Variants in MYO16 observed in about 807,000 individuals in gnomAD.
MYO16 encodes the protein myosin XVI, also known as unconventional myosin-XVI.
MYO16 carries 94 observed loss-of-function variants against 205.3 expected under a neutral mutation model. The observed-to-expected ratio is 0.46, with a 90% confidence interval of 0.39 to 0.54. The LOEUF (loss-of-function observed/expected upper bound fraction) is 0.54. Ranked by LOEUF, MYO16 falls within the 20% of genes least tolerant of loss-of-function variation. The probability of loss-of-function intolerance (pLI) is 0.00; values close to 1 mark genes in which losing one functional copy is unlikely to be tolerated. For missense variants in MYO16, 2,315 were observed against 2,387.5 expected (o/e 0.97, Z 0.63); for synonymous variants, 988 against 954.0 (o/e 1.04, Z -0.66).
chr13:109,055,045 G>A lies in MYO16; in HGVS notation c.3049-1G>A. ...CCTTCTTGTCTTTCTTTTTATTACAGTTATTAAAAAAGAAAGGAACTTCTA... is the reference window on the plus strand; with the variant it reads ...CCTTCTTGTCTTTCTTTTTATTACAATTATTAAAAAAGAAAGGAACTTCTA... On this transcript the variant is annotated splice_acceptor_variant, in intron 25 of 34. Coordinates refer to ENST00000457511, the MANE Select transcript of MYO16 (RefSeq NM_001198950.3). LOFTEE classifies it high-confidence loss of function. The surrounding 1 kb of genome is among the most constrained non-coding windows in gnomAD (Gnocchi z 5.0). The A allele has an allele frequency of 6.6e-7, 1 of 1,511,126 alleles. No individual in the cohort carries two copies. Among genetic ancestry groups the A allele is most frequent in the Non-Finnish European group, 9.0e-7 (1 of 1,116,990 alleles). 93.6% of individuals were successfully genotyped at this position (1,511,126 alleles called of 1,614,324 possible). A position where few individuals can be genotyped will look rare whatever the true frequency, so the allele number is the denominator to read the frequency against.
At chr13:109,176,623 G>A (rs1391233477) in intron 33 of MYO16, among the ~76,000 whole-genome samples, 4 of 112,276 alleles carry the variant, frequency 3.6e-5, no homozygotes, top group Non-Finnish European at 5.2e-5. Context: ...CACCTTTGGC[G>A]CTTCCTGGCC....
intron 15 of MYO16, 55 bp downstream of exon 15, chr13:108,898,188 C>T (rs1276467289): frequency 1.8e-5 from 25 of 1,361,264 alleles, no homozygotes; most frequent in Admixed American, 5.0e-5. Context: ...CATGCGACCA[C>T]GTCACACACA....
intron 34 of MYO16, among the ~76,000 whole-genome samples, chr13:109,191,776 G>A (rs1879927116): frequency 6.6e-6 from 1 of 152,106 alleles, no homozygotes; most frequent in Non-Finnish European, 1.5e-5. Context: ...TACGGCAAGA[G>A]GCTAAATATA....
rs147548319 is a variant in MYO16, at chr13:108,955,592, T to C, written c.1926-2096T>C. On this transcript the variant is annotated intron_variant, in intron 16 of 34. Transcript: ENST00000457511. ...TTCTCCAGCCAGGCGCGGTGGCTCA[T>C]GCCTGTAAACCCAGCATTTTGGAAG... Among the ~76,000 whole-genome samples, 1,065 of 152,282 alleles carry C rather than the reference T, an allele frequency of 7.0e-3. 12 individuals carry two copies. The highest frequency in any genetic ancestry group is 0.023 in the African/African-American group (975 of 41,536).
chr13:108,684,166 G>A (rs1334439728), intron 2 of MYO16, among the ~76,000 whole-genome samples: 2 of 152,210 alleles, frequency 1.3e-5, no homozygotes, highest in Non-Finnish European at 1.5e-5. Context: ...GAGCCACCGC[G>A]CCTAGTCAGA....
chr13:108,840,345 C>T (rs936839706), intron 9 of MYO16, among the ~76,000 whole-genome samples: 3 of 151,970 alleles, frequency 2.0e-5, no homozygotes, highest in Non-Finnish European at 2.9e-5. Flanking sequence ...TCATGCTTTC[C>T]TAGGTTCTAT....
At chr13:108,502,171 C>T in the MYO16 span, among the ~76,000 whole-genome samples, 17 of 152,090 alleles carry the variant, frequency 1.1e-4, no homozygotes, top group South Asian at 1.9e-3. Flanking sequence ...CGAGATTAAG[C>T]CACTACATTC....
At chr13:108,862,492 G>A (rs1403933606) in intron 11 of MYO16, among the ~76,000 whole-genome samples, 1 of 152,156 alleles carries the variant, frequency 6.6e-6, no homozygotes, top group Non-Finnish European at 1.5e-5. Context: ...GTTCCCACAT[G>A]TGTCTCCCTG....
At chr13:108,823,380 T>C (rs903452781) in intron 9 of MYO16, 102 bp downstream of exon 9, 1 of 1,097,430 alleles carries the variant, frequency 9.1e-7, no homozygotes, top group Admixed American at 2.5e-5. Context: ...TTAGAACAAT[T>C]AAAATGGTTT....
At chr13:108,790,702 AATC>A (rs1886591885) in intron 5 of MYO16, among the ~76,000 whole-genome samples, 1 of 152,186 alleles carries the variant, frequency 6.6e-6, no homozygotes, top group African/African-American at 2.4e-5. Flanking sequence ...ATTTTAAAAA[AATC>A]TAAAATTCAC....
At chr13:108,693,629 G>T (rs1482046411) in intron 2 of MYO16, among the ~76,000 whole-genome samples, 2 of 152,180 alleles carry the variant, frequency 1.3e-5, no homozygotes, top group Admixed American at 6.5e-5. Flanking sequence ...GCATTGATCA[G>T]TTCATGAGAA....
At chr13:108,623,229 G>C (rs532984099) in intron 1 of MYO16, among the ~76,000 whole-genome samples, 187 of 152,240 alleles carry the variant, frequency 1.2e-3, no homozygotes, top group African/African-American at 4.2e-3. Context: ...GAACAATATC[G>C]TAACAATGAG....
At chr13:108,553,915 G>A in the MYO16 span, among the ~76,000 whole-genome samples, 1 of 152,102 alleles carries the variant, frequency 6.6e-6, no homozygotes, top group African/African-American at 2.4e-5. Flanking sequence ...AGAGAAAAGT[G>A]TGTTGGAAGC....
chr13:108,997,610 G>A (rs896189078), intron 21 of MYO16, among the ~76,000 whole-genome samples: 5 of 151,632 alleles, frequency 3.3e-5, no homozygotes, highest in African/African-American at 7.3e-5. Flanking sequence ...AGGTCAAGGC[G>A]GTCGGATCAC....
intron 7 of MYO16, among the ~76,000 whole-genome samples, chr13:108,813,313 T>C (rs1336912723): frequency 6.6e-6 from 1 of 152,188 alleles, no homozygotes; most frequent in Non-Finnish European, 1.5e-5. Context: ...GTTCTCAGAG[T>C]TAGAGACATT....
At chr13:109,004,885 G>A (rs971048123) in intron 21 of MYO16, among the ~76,000 whole-genome samples, 3 of 152,124 alleles carry the variant, frequency 2.0e-5, no homozygotes, top group Non-Finnish European at 4.4e-5. Context: ...TAACAACAAC[G>A]CCTTTAAAAT....
At chr13:108,757,818 C>A (rs1885471603) in intron 4 of MYO16, among the ~76,000 whole-genome samples, 3 of 152,166 alleles carry the variant, frequency 2.0e-5, no homozygotes, top group Admixed American at 6.5e-5. Flanking sequence ...GTAACACATT[C>A]ACTGCACCGT....
intron 9 of MYO16, among the ~76,000 whole-genome samples, chr13:108,828,522 C>G (rs1187302703): frequency 6.6e-6 from 1 of 152,090 alleles, no homozygotes; most frequent in African/African-American, 2.4e-5. Flanking sequence ...GGGTGGGAAC[C>G]AAATCCTTGG....
At chr13:108,954,627 A>G (rs1468067366) in intron 16 of MYO16, among the ~76,000 whole-genome samples, 1 of 152,096 alleles carries the variant, frequency 6.6e-6, no homozygotes, top group Non-Finnish European at 1.5e-5. Context: ...CTGTGATCCC[A>G]GCTATTCGGG....
Sources: gnomAD v4.1 joint callset for allele counts (sites outside exome capture counted in the v4.1 genomes callset) on GRCh38, gnomAD v4.1.1 for gene constraint, Gnocchi (gnomAD v3.1) non-coding constraint, MANE v1.5 for transcripts, NCBI Gene and HGNC (gene_info 2026-07-23, HGNC 2026-07-21) for gene names.